The following BSND variants were observed in gnomAD, a reference collection of about 807,000 sequenced individuals.
BSND encodes the protein barttin CLCNK type accessory subunit beta.
A neutral mutation model predicts 18.8 loss-of-function variants in BSND; 13 were observed. The ratio of observed to expected loss-of-function variants is 0.69; its 90% CI spans 0.45 to 1.10. The LOEUF is 1.10. Among genes scored for constraint, BSND ranks in the 50% least tolerant of loss-of-function variants. The pLI, the probability that BSND is intolerant of heterozygous loss-of-function variation, is 0.00. For missense variants in BSND, 379 were observed against 416.7 expected (o/e 0.91, Z 0.79); for synonymous variants, 170 against 161.8 (o/e 1.05, Z -0.39).
Position 55,008,885 on chromosome 1 carries a change from C to A in BSND, c.*257C>A, listed in dbSNP as rs1644406691. 1 of 570,268 alleles carries A rather than the reference C, an allele frequency of 1.8e-6. No homozygotes were observed. The highest frequency in any genetic ancestry group is 3.2e-5 in the East Asian group (1 of 31,494). 35.3% of individuals were successfully genotyped at this position (570,268 alleles called of 1,614,324 possible). ...GTTGAGGTTTGCAGCAGCTGAAGCC[C>A]TCAAAAGCATTTTCCACCTTCCCCC... On this transcript the variant is annotated 3_prime_UTR_variant, in exon 4 of 4. Coordinates refer to ENST00000651561, the MANE Select transcript of BSND (RefSeq NM_057176.3).
At position 55,003,137 on chromosome 1, in the gene BSND, T is replaced by C. The variant is rs535570022; in HGVS notation, c.178-1885T>C. On this transcript the variant is annotated intron_variant, in intron 1 of 3. Coordinates refer to ENST00000651561, the MANE Select transcript of BSND (RefSeq NM_057176.3). ...ATGAGGCAGAGGAAGAGGCAGCTTC[T>C]AGGAAGTACAGTACTAGCTGGGAAG... Among the ~76,000 whole-genome samples the C allele has an allele frequency of 2.0e-4, 8 of 40,416 alleles. No homozygotes were observed. In the South Asian group the frequency reaches 6.0e-3, roughly 31 times the overall value. The allele number at this position is 40,416 out of a possible 152,430, so 26.5% of individuals were successfully genotyped here. A position where few individuals can be genotyped will look rare whatever the true frequency, so the allele number is the denominator to read the frequency against.
At chr1:55,006,969 C>A (rs552714240) in intron 2 of BSND, 28 bp from the exon 3 acceptor site, 4 of 1,613,296 alleles carry the variant, frequency 2.5e-6, no homozygotes, top group Non-Finnish European at 2.5e-6. Context: ...GACTCTTTGC[C>A]GCCTGCCTGT....
intron 1 of BSND, among the ~76,000 whole-genome samples, chr1:55,001,053 G>A (rs1395018936): frequency 6.6e-6 from 1 of 152,146 alleles, no homozygotes; most frequent in Admixed American, 6.5e-5. Flanking sequence ...GCAGCGTGGT[G>A]GGCTGAAAAT....
chr1:55,008,405 C>T lies in BSND; in HGVS notation c.740C>T (p.Pro247Leu). ...CAAGACTTTGCCCTGATTGATGCCC[C>T]AACGTTGGAGGATGAGCCCCAAGAG... ...RFQDFALIDA[P>L]TLEDEPQEGQ... Residue 247 changes from proline (P) to leucine (L), a missense_variant, in exon 4 of 4, where the codon CCA (proline) becomes CTA (leucine). Pro to Leu is a moderately conservative substitution (Grantham distance 98). Transcript: ENST00000651561. 2 of 1,614,224 alleles carry T rather than the reference C, an allele frequency of 1.2e-6. No individual in the cohort carries two copies. Among genetic ancestry groups the T allele is most frequent in the Non-Finnish European group, 1.7e-6 (2 of 1,180,038 alleles).
Position 55,015,339 on chromosome 1 carries a change from CA to C in BSND, c.*6712del, listed in dbSNP as rs1166598445. Among the ~76,000 whole-genome samples, 1 of 152,172 alleles carries C rather than the reference CA, an allele frequency of 6.6e-6. No individual in the cohort carries two copies. The highest frequency in any genetic ancestry group is 6.5e-5 in the Admixed American group (1 of 15,282). ...TGACCACAAATCCAGCAGAGCAGGG[CA>C]GGGAACCCTGTGGCAGAGGCTGTTG... On this transcript the variant is annotated 3_prime_UTR_variant, in exon 4 of 4. Coordinates refer to ENST00000651561, the MANE Select transcript of BSND (RefSeq NM_057176.3).
At chr1:54,999,907 G>A (rs1644353215) in intron 1 of BSND, among the ~76,000 whole-genome samples, 1 of 152,178 alleles carries the variant, frequency 6.6e-6, no homozygotes, top group Non-Finnish European at 1.5e-5. Flanking sequence ...GGTAGGTCAG[G>A]TCTAACCTTG....
rs891048091 is a variant in BSND, at chr1:55,011,525, A to T, written c.*2897A>T. 6.6e-6 allele frequency: 1 copy of T among 152,228 alleles called. No individual in the cohort carries two copies. Among genetic ancestry groups the T allele is most frequent in the East Asian group, 1.9e-4 (1 of 5,186 alleles). The allele number at this position is 152,228 out of a possible 1,614,324, so 9.4% of individuals were successfully genotyped here. A position where few individuals can be genotyped will look rare whatever the true frequency, so the allele number is the denominator to read the frequency against. On this transcript the variant is annotated 3_prime_UTR_variant, in exon 4 of 4. Coordinates refer to ENST00000651561, the MANE Select transcript of BSND (RefSeq NM_057176.3). ...CCTGCAGCCAAAGACCACTGGGAGC[A>T]CACCTCACCTGTGGTTAACAAGCTG...
chr1:54,999,147 T>G lies in BSND; in HGVS notation c.-40T>G, dbSNP rs1204933129. 4 of 1,609,684 alleles carry G rather than the reference T, an allele frequency of 2.5e-6. No individual in the cohort carries two copies. The South Asian group carries it at 3.3e-5, about 13-fold the overall frequency. On this transcript the variant is annotated 5_prime_UTR_variant, in exon 1 of 4. Transcript: ENST00000651561. ...TTTAGGCTGAACTACAGCCACCCCC[T>G]CTCCCGGGGGTGTGCAGGCCAGGGA...
intron 2 of BSND, among the ~76,000 whole-genome samples, chr1:55,006,615 C>T (rs1470306358): frequency 1.3e-5 from 2 of 152,200 alleles, no homozygotes; most frequent in Non-Finnish European, 2.9e-5. Context: ...AGAATTTCTG[C>T]CTCAAGGCAT....
rs1644414260 is a variant in BSND at position 55,010,145 on chromosome 1, T to A, written c.*1517T>A. On this transcript the variant is annotated 3_prime_UTR_variant, in exon 4 of 4. Coordinates refer to ENST00000651561, the MANE Select transcript of BSND (RefSeq NM_057176.3). ...AAAGAGACATGAACTACTGACACCGTGCTTGCCTTCAGAGGGCTCACAATC... is the reference window on the plus strand; with the variant it reads ...AAAGAGACATGAACTACTGACACCGAGCTTGCCTTCAGAGGGCTCACAATC... The A allele has an allele frequency of 6.6e-6, 1 of 152,238 alleles. No homozygotes were observed. Among genetic ancestry groups the A allele is most frequent in the African/African-American group, 2.4e-5 (1 of 41,444 alleles). The allele number at this position is 152,238 out of a possible 1,614,324, so 9.4% of individuals were successfully genotyped here. A position where few individuals can be genotyped will look rare whatever the true frequency, so the allele number is the denominator to read the frequency against.
intron 1 of BSND, among the ~76,000 whole-genome samples, chr1:55,003,408 A>AT (rs201085177): frequency 6.6e-6 from 1 of 151,634 alleles, no homozygotes; most frequent in Non-Finnish European, 1.5e-5. Context: ...TAATTTTTTT[A>AT]TTTTTTTTGT....
At chr1:55,006,857 G>A (rs1644393614) in intron 2 of BSND, 140 bp from the exon 3 acceptor site, 1 of 1,264,686 alleles carries the variant, frequency 7.9e-7, no homozygotes, top group African/African-American at 1.5e-5. Context: ...CCTCATCCCT[G>A]AAACGGGCGC....
chr1:55,008,113 G>A (rs961327092), intron 3 of BSND, 101 bp from the exon 4 acceptor site: 4 of 969,090 alleles, frequency 4.1e-6, no homozygotes, highest in Non-Finnish European at 6.4e-6. Flanking sequence ...GCCCGGGAAG[G>A]TGGATTATCC....
chr1:55,006,005 G>A (rs771459844), intron 2 of BSND, among the ~76,000 whole-genome samples: 1 of 152,228 alleles, frequency 6.6e-6, no homozygotes, highest in Non-Finnish European at 1.5e-5. Context: ...GAATGCTCCA[G>A]CCCTGGAGAG....
intron 3 of BSND, 37 bp from the exon 4 acceptor site, chr1:55,008,177 A>C: frequency 1.9e-6 from 3 of 1,584,632 alleles, no homozygotes; most frequent in Non-Finnish European, 2.6e-6. Flanking sequence ...ATTCTGACTC[A>C]GAGATACCCT....
At chr1:55,007,320 T>A in intron 3 of BSND, 48 bp downstream of exon 3, 2 of 897,270 alleles carry the variant, frequency 2.2e-6, no homozygotes, top group East Asian at 6.9e-5. Context: ...GTTCAAGGGT[T>A]AAAAAGGAGA....
In BSND at chr1:55,011,490, T is replaced by A. The variant is rs1158841747; in HGVS notation, c.*2862T>A. 1.3e-5 allele frequency: 2 copies of A among 152,222 alleles called. No homozygotes were observed. The highest frequency in any genetic ancestry group is 6.5e-5 in the Admixed American group (1 of 15,278). 9.4% of individuals were successfully genotyped at this position (152,222 alleles called of 1,614,324 possible). On this transcript the variant is annotated 3_prime_UTR_variant, in exon 4 of 4. Coordinates refer to ENST00000651561, the MANE Select transcript of BSND (RefSeq NM_057176.3). ...ATGGGGGTGTTTGATGGGACCTATC[T>A]TGTCAATGCCCTGCAGCCAAAGACC...
Position 55,008,623 on chromosome 1 carries a change from G to A in BSND, c.958G>A (p.Gly320Ser), listed in dbSNP as rs1268170152. ...GCTGGGTTTTGAGCCTGACACCCAAGGCTGAGATGTTTGTGCTCCGTAGCT... is the reference window on the plus strand; with the variant it reads ...GCTGGGTTTTGAGCCTGACACCCAAAGCTGAGATGTTTGTGCTCCGTAGCT... ...KELGFEPDTQ[G>S] is the part of the protein sequence containing the mutation. Residue 320 changes from glycine to serine, a missense_variant, in exon 4 of 4, where the codon GGC (glycine) becomes AGC (serine). Coordinates refer to ENST00000651561, the MANE Select transcript of BSND (RefSeq NM_057176.3). 1.2e-6 allele frequency: 2 copies of A among 1,614,020 alleles called. No individual in the cohort carries two copies. The highest frequency in any genetic ancestry group is 1.7e-6 in the Non-Finnish European group (2 of 1,180,046).
Position 55,007,291 on chromosome 1 carries a change from G to A in BSND, c.548+19G>A. The stretch of plus-strand genomic sequence containing the variant: ...GGCCCGGGTGAGTGCTTAGAGGGCA[G>A]GAGTGGGGCTTCTGCCCAGTTCAAG... On this transcript the variant is annotated intron_variant, in intron 3 of 3. Transcript: ENST00000651561. 6.3e-7 allele frequency: 1 copy of A among 1,583,368 alleles called. No individual in the cohort carries two copies. Among genetic ancestry groups the A allele is most frequent in the Non-Finnish European group, 8.6e-7 (1 of 1,162,544 alleles).
Sources: allele counts gnomAD v4.1 joint callset (sites outside exome capture counted in the v4.1 genomes callset), GRCh38; gene constraint gnomAD v4.1.1; transcripts MANE v1.5; gene names NCBI Gene and HGNC (gene_info 2026-07-23, HGNC 2026-07-21).